Variants in ZNF385D observed in about 807,000 individuals in gnomAD.
ZNF385D encodes the protein zinc finger protein 659.
ZNF385D carries 15 observed loss-of-function variants against 35.8 expected under a neutral mutation model. The observed-to-expected ratio is 0.42, with a 90% confidence interval of 0.28 to 0.64. The LOEUF (loss-of-function observed/expected upper bound fraction) is 0.64. Ranked by LOEUF, ZNF385D falls within the 30% of genes least tolerant of loss-of-function variation. ZNF385D has a pLI of 0.23. For missense variants in ZNF385D, 474 were observed against 494.6 expected (o/e 0.96, Z 0.39); for synonymous variants, 212 against 186.8 (o/e 1.13, Z -1.10).
At chr3:21,730,058 T>C (rs1355248769) in intron 1 of ZNF385D, among the ~76,000 whole-genome samples, 1 of 152,192 alleles carries the variant, frequency 6.6e-6, no homozygotes, top group Non-Finnish European at 1.5e-5. Context: ...CGTTGGATTA[T>C]ACAAACTACA....
chr3:21,822,262 C>T (rs886573045), intron 3 of ZNF385D, among the ~76,000 whole-genome samples: 5 of 151,700 alleles, frequency 3.3e-5, no homozygotes, highest in Admixed American at 2.0e-4. Context: ...ATAGTAGAGG[C>T]GGGGTTTCAC....
At chr3:22,346,915 T>G (rs1695683696) in intron 2 of ZNF385D, among the ~76,000 whole-genome samples, 1 of 152,190 alleles carries the variant, frequency 6.6e-6, no homozygotes. Context: ...TCTGTTCCGG[T>G]TTATGATCAG....
At chr3:21,951,389 T>C (rs1424734624) in intron 3 of ZNF385D, among the ~76,000 whole-genome samples, 2 of 151,730 alleles carry the variant, frequency 1.3e-5, no homozygotes, top group Non-Finnish European at 2.9e-5. Context: ...TTTTTGCACA[T>C]TGATTTTGTA....
intron 3 of ZNF385D, among the ~76,000 whole-genome samples, chr3:21,927,225 G>A (rs1700773310): frequency 6.6e-6 from 1 of 151,938 alleles, no homozygotes; most frequent in Non-Finnish European, 1.5e-5. Flanking sequence ...GCAAGTGTTG[G>A]TACCATGCTT....
intron 2 of ZNF385D, among the ~76,000 whole-genome samples, chr3:22,307,225 A>G (rs1703276603): frequency 6.6e-6 from 1 of 152,118 alleles, no homozygotes; most frequent in African/African-American, 2.4e-5. Context: ...GAAGTGTTTG[A>G]GAGTCAGTTT....
At chr3:22,132,963 T>C (rs1479770550) in intron 3 of ZNF385D, among the ~76,000 whole-genome samples, 1 of 152,140 alleles carries the variant, frequency 6.6e-6, no homozygotes, top group Non-Finnish European at 1.5e-5. Flanking sequence ...GTAAACACTA[T>C]AAAGTTACTG....
intron 2 of ZNF385D, among the ~76,000 whole-genome samples, chr3:22,270,178 GC>G (rs1473167921): frequency 6.6e-6 from 1 of 151,876 alleles, no homozygotes; most frequent in East Asian, 1.9e-4. Context: ...CCTAGAAAAA[GC>G]CCTTTCTCTG....
At chr3:21,421,515 G>T in intron 7 of ZNF385D, 68 bp from the exon 8 acceptor site, 4 of 1,141,818 alleles carry the variant, frequency 3.5e-6, no homozygotes, top group Non-Finnish European at 5.0e-6. Flanking sequence ...ACCCAAAATG[G>T]CAGGGAGCTT....
intron 3 of ZNF385D, among the ~76,000 whole-genome samples, chr3:21,842,707 A>G (rs1045599783): frequency 6.6e-6 from 1 of 152,070 alleles, no homozygotes; most frequent in Admixed American, 6.6e-5. Flanking sequence ...GATGCAGTCA[A>G]TCCATCACCT....
chr3:21,635,769 C>A (rs754946945), intron 2 of ZNF385D, among the ~76,000 whole-genome samples: 7 of 152,228 alleles, frequency 4.6e-5, no homozygotes, highest in Non-Finnish European at 1.0e-4. Context: ...CCTTTACATT[C>A]TCATAGCTTA....
chr3:21,659,300 T>C (rs1223939180), intron 2 of ZNF385D, among the ~76,000 whole-genome samples: 1 of 152,170 alleles, frequency 6.6e-6, no homozygotes, highest in Non-Finnish European at 1.5e-5. Context: ...TTTTTCAATA[T>C]ACAGAATTAT....
At chr3:22,168,502 T>C (rs1366621670) in intron 3 of ZNF385D, 2 of 152,218 alleles carry the variant, frequency 1.3e-5, no homozygotes, top group Non-Finnish European at 2.9e-5. Context: ...CCCACTGTCC[T>C]ATACACTGTA....
At chr3:21,466,763 G>T (rs935055087) in intron 4 of ZNF385D, among the ~76,000 whole-genome samples, 6 of 152,108 alleles carry the variant, frequency 3.9e-5, no homozygotes, top group African/African-American at 7.2e-5. Flanking sequence ...CCCACTACAC[G>T]CTCTTCTCCT....
intron 2 of ZNF385D, among the ~76,000 whole-genome samples, chr3:22,175,752 A>G (rs919685119): frequency 1.3e-5 from 2 of 151,558 alleles, no homozygotes; most frequent in African/African-American, 2.4e-5. Flanking sequence ...ATGTGTATAA[A>G]TTATACATAT....
intron 3 of ZNF385D, among the ~76,000 whole-genome samples, chr3:22,011,930 C>T (rs933815578): frequency 1.3e-5 from 2 of 152,120 alleles, no homozygotes; most frequent in Non-Finnish European, 2.9e-5. Flanking sequence ...AGGGCCTAAG[C>T]AGGCAACAGG....
chr3:22,281,292 G>T (rs1420609455), intron 2 of ZNF385D, among the ~76,000 whole-genome samples: 2 of 152,060 alleles, frequency 1.3e-5, no homozygotes, highest in African/African-American at 4.8e-5. Context: ...AGTGATGAAA[G>T]TGGCCATCCT....
chr3:21,548,922 A>G (rs1336567105), intron 3 of ZNF385D, among the ~76,000 whole-genome samples: 2 of 152,222 alleles, frequency 1.3e-5, no homozygotes, highest in Non-Finnish European at 2.9e-5. Flanking sequence ...TTCTCAACCT[A>G]TACAATGTAC....
intron 2 of ZNF385D, among the ~76,000 whole-genome samples, chr3:22,268,282 A>C (rs866209570): frequency 6.6e-6 from 1 of 151,998 alleles, no homozygotes; most frequent in Non-Finnish European, 1.5e-5. Context: ...ATATTTATCC[A>C]CTAATATTTA....
chr3:21,566,932 A>C (rs1035564697), intron 2 of ZNF385D, among the ~76,000 whole-genome samples: 3 of 152,144 alleles, frequency 2.0e-5, no homozygotes, highest in Non-Finnish European at 4.4e-5. Context: ...CATTTCACAT[A>C]AATGTTATCA....
Sources: allele counts gnomAD v4.1 joint callset (sites outside exome capture counted in the v4.1 genomes callset), GRCh38; gene constraint gnomAD v4.1.1; transcripts MANE v1.5; gene names NCBI Gene and HGNC (gene_info 2026-07-23, HGNC 2026-07-21).